Variants in ESRRG observed in about 807,000 individuals in gnomAD.
ESRRG encodes estrogen-related receptor gamma.
ESRRG carries 13 observed loss-of-function variants against 44.0 expected under a neutral mutation model. That is an observed-to-expected ratio of 0.30 (90% CI 0.19 to 0.47). The LOEUF (loss-of-function observed/expected upper bound fraction) is 0.47, where lower values mean the gene tolerates loss of function less well. Among genes scored for constraint, ESRRG ranks in the 20% least tolerant of loss-of-function variants. ESRRG has a pLI of 1.00. For missense variants in ESRRG, 395 were observed against 580.6 expected (o/e 0.68, Z 3.29); for synonymous variants, 215 against 214.6 (o/e 1.00, Z -0.02).
chr1:216,713,538 T>C (rs577513564), intron 1 of ESRRG, among the ~76,000 whole-genome samples: 2 of 152,290 alleles, frequency 1.3e-5, no homozygotes, highest in African/African-American at 4.8e-5. Flanking sequence ...ACATAGGGCA[T>C]AACTGCATCT....
chr1:216,538,522 G>A (rs2032036), intron 5 of ESRRG, among the ~76,000 whole-genome samples: 30,155 of 151,936 alleles, frequency 0.2, 3,786 homozygotes, highest in Non-Finnish European at 0.27. Context: ...CACTGCTACC[G>A]CACAGCCAGA....
intron 2 of ESRRG, among the ~76,000 whole-genome samples, chr1:216,929,407 A>C (rs2063027628): frequency 6.6e-6 from 1 of 152,228 alleles, no homozygotes; most frequent in Non-Finnish European, 1.5e-5. Flanking sequence ...AAGGCAATAC[A>C]TCTCCCATCA....
intron 2 of ESRRG, among the ~76,000 whole-genome samples, chr1:216,914,555 A>G (rs903560831): frequency 6.6e-6 from 1 of 152,212 alleles, no homozygotes; most frequent in Non-Finnish European, 1.5e-5. Flanking sequence ...GACTTTGACC[A>G]TGTAAACATG....
At chr1:216,851,763 A>C (rs1048060605) in intron 2 of ESRRG, among the ~76,000 whole-genome samples, 58 of 152,352 alleles carry the variant, frequency 3.8e-4, no homozygotes, top group African/African-American at 1.4e-3. Flanking sequence ...AGAAATGTGC[A>C]TCTCTCATTG....
chr1:216,612,399 T>C (rs1336343381), intron 3 of ESRRG, among the ~76,000 whole-genome samples: 1 of 152,138 alleles, frequency 6.6e-6, no homozygotes, highest in Non-Finnish European at 1.5e-5. Context: ...GTTTCAATCC[T>C]CAGGTGTCAT....
At chr1:216,747,323 C>G (rs1351844793) in intron 2 of ESRRG, among the ~76,000 whole-genome samples, 1 of 152,174 alleles carries the variant, frequency 6.6e-6, no homozygotes, top group Admixed American at 6.5e-5. Context: ...TTCTGCCTCA[C>G]TCTATGGCAA....
chr1:217,124,667 A>G lies in ESRRG; in HGVS notation c.-230+13000T>C, dbSNP rs555249374. Among the ~76,000 whole-genome samples, 6 of 152,328 alleles carry G rather than the reference A, an allele frequency of 3.9e-5. No homozygotes were observed. The South Asian group carries it at 1.2e-3, about 32-fold the overall frequency. ...TGCCAGGTCACTTTGTTCTACTTAG[A>G]TATAGCCACTGCCTGAGGAAAAGAA... is the stretch of plus-strand genomic sequence containing the variant. On this transcript the variant is annotated intron_variant, in intron 1 of 8. Coordinates refer to the ESRRG transcript ENST00000366940.
chr1:217,096,641 T>C (rs1166348), intron 1 of ESRRG, among the ~76,000 whole-genome samples: 63,669 of 126,254 alleles, frequency 0.5, 14,657 homozygotes, highest in East Asian at 0.63. Flanking sequence ...GCCATTTCCT[T>C]GATTAACTTC....
intron 3 of ESRRG, among the ~76,000 whole-genome samples, chr1:216,622,635 C>CACACACACAT (rs1461831315): frequency 1.3e-5 from 2 of 152,010 alleles, no homozygotes. Flanking sequence ...CACACACACA[C>CACACACACAT]GCTTCCCATA....
chr1:217,065,903 G>T (rs549396464), intron 1 of ESRRG, among the ~76,000 whole-genome samples: 2 of 152,072 alleles, frequency 1.3e-5, no homozygotes, highest in Admixed American at 1.3e-4. Context: ...AAGCCTTCCC[G>T]CTTCCAAGTA....
chr1:217,117,427 C>A (rs548618941), intron 1 of ESRRG, among the ~76,000 whole-genome samples: 1 of 151,686 alleles, frequency 6.6e-6, no homozygotes, highest in South Asian at 2.1e-4. Flanking sequence ...CTACAAAAAC[C>A]AAAAAAACCT....
At chr1:216,787,484 T>A (rs1260738788) in intron 2 of ESRRG, among the ~76,000 whole-genome samples, 2 of 151,048 alleles carry the variant, frequency 1.3e-5, no homozygotes, top group Non-Finnish European at 2.9e-5. Flanking sequence ...ACACCTGTAG[T>A]CCCAGCTACT....
intron 2 of ESRRG, among the ~76,000 whole-genome samples, chr1:216,880,243 G>A (rs1282182343): frequency 7.4e-6 from 1 of 135,172 alleles, no homozygotes; most frequent in Non-Finnish European, 1.5e-5. Context: ...GGAGGCAGAG[G>A]TTGCAGTGTG....
At chr1:216,903,490 C>T (rs2818745) in intron 2 of ESRRG, among the ~76,000 whole-genome samples, 4,184 of 150,842 alleles carry the variant, frequency 0.028, 215 homozygotes, top group African/African-American at 0.095. Context: ...ATGGAAAGAA[C>T]GAGATTACAG....
intron 2 of ESRRG, among the ~76,000 whole-genome samples, chr1:216,771,159 C>T (rs1171572930): frequency 6.6e-6 from 1 of 152,052 alleles, no homozygotes; most frequent in African/African-American, 2.4e-5. Context: ...ATCTCAAAGG[C>T]ACATTTCTTT....
intron 1 of ESRRG, among the ~76,000 whole-genome samples, chr1:217,022,291 G>C (rs966623979): frequency 6.6e-6 from 1 of 152,154 alleles, no homozygotes; most frequent in Admixed American, 6.5e-5. Context: ...TTTCATTTGG[G>C]CTCAGACCCT....
At chr1:216,912,082 G>A (rs2060374443) in intron 2 of ESRRG, among the ~76,000 whole-genome samples, 1 of 145,024 alleles carries the variant, frequency 6.9e-6, no homozygotes, top group Non-Finnish European at 1.5e-5. Flanking sequence ...CTGGGAGACA[G>A]AGCAAGACCC....
intron 1 of ESRRG, among the ~76,000 whole-genome samples, chr1:217,082,434 AAGAG>A (rs757839623): frequency 6.6e-5 from 10 of 152,246 alleles, no homozygotes; most frequent in Non-Finnish European, 1.2e-4. Flanking sequence ...TAAAGGTTCA[AAGAG>A]TTAAAATTAA....
At chr1:217,080,663 T>G (rs1490324546) in intron 1 of ESRRG, among the ~76,000 whole-genome samples, 9 of 96,706 alleles carry the variant, frequency 9.3e-5, no homozygotes, top group Admixed American at 8.1e-4. Flanking sequence ...GTTTGTTTTG[T>G]TTTTTTGGTT....
Sources: gnomAD v4.1 joint callset for allele counts (sites outside exome capture counted in the v4.1 genomes callset) on GRCh38, gnomAD v4.1.1 for gene constraint, MANE v1.5 for transcripts, NCBI Gene and HGNC (gene_info 2026-07-23, HGNC 2026-07-21) for gene names.